DLG2: variants seen among roughly 807,000 people sequenced by gnomAD.
The protein encoded by DLG2 is discs large MAGUK scaffold protein 2.
Under a neutral mutation model 132.5 loss-of-function variants are expected in DLG2, and 45 were observed. The ratio of observed to expected loss-of-function variants is 0.34; its 90% CI spans 0.27 to 0.44. The LOEUF is 0.44. Ranked by LOEUF, DLG2 falls within the 20% of genes least tolerant of loss-of-function variation. The probability of loss-of-function intolerance (pLI) is 1.00; values close to 1 mark genes in which losing one functional copy is unlikely to be tolerated. For synonymous variants in DLG2, 424 were observed against 419.6 expected (o/e 1.01, Z -0.13); for missense variants, 1,045 against 1,196.9 (o/e 0.87, Z 1.87).
intron 8 of DLG2, among the ~76,000 whole-genome samples, chr11:84,188,238 G>C (rs948470425): frequency 1.3e-5 from 2 of 152,092 alleles, no homozygotes; most frequent in East Asian, 3.9e-4. Context: ...GCAAAGAAAA[G>C]CATTTGAATA....
chr11:85,398,603 A>T (rs762112618), intron 3 of DLG2, among the ~76,000 whole-genome samples: 4 of 152,092 alleles, frequency 2.6e-5, no homozygotes, highest in Non-Finnish European at 5.9e-5. Context: ...GGATATCACC[A>T]CAATCCCACA....
At chr11:84,722,515 T>C (rs2061947184) in intron 6 of DLG2, among the ~76,000 whole-genome samples, 1 of 152,152 alleles carries the variant, frequency 6.6e-6, no homozygotes. Flanking sequence ...TTCTCCCAAG[T>C]TAATAGAAAA....
In DLG2 at chr11:84,618,767, T is replaced by C. The variant is rs192678021; in HGVS notation, c.358-84036A>G. On this transcript the variant is annotated intron_variant, in intron 6 of 27. Coordinates refer to ENST00000376104, the MANE Select transcript of DLG2 (RefSeq NM_001142699.3). ...AAATATGAGACCACCATCAAGGAGA[T>C]AGGATGAAACAGACTACTATGAGTG... 1.5e-4 allele frequency among the ~76,000 whole-genome samples: 23 copies of C among 152,062 alleles called. No individual in the cohort carries two copies. The East Asian group carries it at 4.1e-3, about 27-fold the overall frequency.
In DLG2 at chr11:85,079,766, G is replaced by C. The variant is rs74903395; in HGVS notation, c.357+31895C>G. 2.0e-4 allele frequency among the ~76,000 whole-genome samples: 31 copies of C among 152,138 alleles called. No homozygotes were observed. In the East Asian group the frequency reaches 5.6e-3, roughly 28 times the overall value. ...AAAGCCAACAAATTAGCCAGCTTAG[G>C]TTTACAGGCATGTGCCACCACGCCT... On this transcript the variant is annotated intron_variant, in intron 6 of 27. Transcript: ENST00000376104.
At chr11:85,354,752 C>A (rs1342899059) in intron 3 of DLG2, among the ~76,000 whole-genome samples, 2 of 151,980 alleles carry the variant, frequency 1.3e-5, no homozygotes, top group Non-Finnish European at 2.9e-5. Context: ...CTCTCACACA[C>A]ACACACACAC....
intron 16 of DLG2, among the ~76,000 whole-genome samples, chr11:83,855,509 C>A (rs73520828): frequency 0.014 from 2,145 of 152,150 alleles, 53 homozygotes; most frequent in East Asian, 0.076. Context: ...AAATGAACTA[C>A]CGAGCCACAG....
rs549378816 is a variant in DLG2 at position 83,833,605 on chromosome 11, C to A, written c.1722+9G>T. 7 of 1,608,506 alleles carry A rather than the reference C, an allele frequency of 4.4e-6. No individual in the cohort carries two copies. The highest frequency in any genetic ancestry group is 5.1e-6 in the Non-Finnish European group (6 of 1,177,608). On this transcript the variant is annotated intron_variant, in intron 17 of 27. Coordinates refer to ENST00000376104, the MANE Select transcript of DLG2 (RefSeq NM_001142699.3). ...ATGGAGGGAATAAAGATTAAAGAAA[C>A]ATACTCACCGATAGGATCTGGTCTC...
chr11:84,620,993 C>A (rs1433575358), intron 6 of DLG2, among the ~76,000 whole-genome samples: 1 of 152,066 alleles, frequency 6.6e-6, no homozygotes, highest in Non-Finnish European at 1.5e-5. Flanking sequence ...AGAAATATTG[C>A]ACAGAGTAGA....
chr11:85,496,508 G>A (rs565019307), intron 3 of DLG2, among the ~76,000 whole-genome samples: 1 of 152,298 alleles, frequency 6.6e-6, no homozygotes, highest in African/African-American at 2.4e-5. Context: ...TGAACAAAAG[G>A]TAGCAAACAG....
chr11:85,523,916 A>T (rs895409964), intron 3 of DLG2, among the ~76,000 whole-genome samples: 5 of 152,230 alleles, frequency 3.3e-5, no homozygotes, highest in Admixed American at 1.3e-4. Flanking sequence ...AAAGAATGAG[A>T]TCATGTCATT....
At chr11:85,361,354 ATTTC>A (rs1482116359) in intron 3 of DLG2, among the ~76,000 whole-genome samples, 1 of 151,250 alleles carries the variant, frequency 6.6e-6, no homozygotes, top group East Asian at 1.9e-4. Context: ...ACAAGTGCAG[ATTTC>A]TTACATGCAT....
rs144410266 is a variant in DLG2 at position 83,495,613 on chromosome 11, T to C, written c.2194-11385A>G. 5.7e-3 allele frequency among the ~76,000 whole-genome samples: 861 copies of C among 152,272 alleles called. 12 individuals are homozygous for C. The highest frequency in any genetic ancestry group is 0.019 in the African/African-American group (810 of 41,552). On this transcript the variant is annotated intron_variant, in intron 21 of 27. Transcript: ENST00000376104. ...AGAGGAAGATTGGTGAGGTTAGAAA[T>C]TGTCGTACCCATTTATTAACATAGT...
intron 6 of DLG2, among the ~76,000 whole-genome samples, chr11:84,706,876 G>C (rs145783453): frequency 6.6e-6 from 1 of 151,654 alleles, no homozygotes; most frequent in African/African-American, 2.4e-5. Context: ...TCAATTAAAC[G>C]TAAATACAAA....
intron 24 of DLG2, among the ~76,000 whole-genome samples, chr11:83,470,030 T>A (rs2091816729): frequency 6.6e-6 from 1 of 152,124 alleles, no homozygotes; most frequent in Non-Finnish European, 1.5e-5. Context: ...TAAAAGCTGT[T>A]AAAATATTTT....
At chr11:83,956,864 A>G (rs543905307) in intron 14 of DLG2, among the ~76,000 whole-genome samples, 3 of 152,350 alleles carry the variant, frequency 2.0e-5, no homozygotes, top group African/African-American at 7.2e-5. Flanking sequence ...TATATAAAAC[A>G]CAATTAATAA....
intron 3 of DLG2, among the ~76,000 whole-genome samples, chr11:85,569,736 G>GTTCT (rs1166867374): frequency 1.3e-5 from 2 of 152,164 alleles, no homozygotes; most frequent in African/African-American, 4.8e-5. Context: ...TGGTGAACCT[G>GTTCT]CAGAGAAAAG....
intron 21 of DLG2, among the ~76,000 whole-genome samples, chr11:83,524,131 G>T (rs1282128540): frequency 6.6e-6 from 1 of 152,120 alleles, no homozygotes; most frequent in Non-Finnish European, 1.5e-5. Context: ...ATATTTCTTA[G>T]TACTTTACAT....
chr11:85,162,267 C>A (rs1467539991), intron 4 of DLG2, among the ~76,000 whole-genome samples: 3 of 151,956 alleles, frequency 2.0e-5, no homozygotes, highest in Non-Finnish European at 2.9e-5. Context: ...ATTACCATGC[C>A]CTGTGATTAA....
chr11:84,146,370 A>T (rs1005449526), intron 9 of DLG2, among the ~76,000 whole-genome samples: 2 of 152,196 alleles, frequency 1.3e-5, no homozygotes, highest in Non-Finnish European at 2.9e-5. Context: ...AACACAAAGG[A>T]TAAATGCTTG....
Sources: gnomAD v4.1 joint callset for allele counts (sites outside exome capture counted in the v4.1 genomes callset) on GRCh38, gnomAD v4.1.1 for gene constraint, MANE v1.5 for transcripts, NCBI Gene and HGNC (gene_info 2026-07-23, HGNC 2026-07-21) for gene names.